Variants in CNR2 observed in about 807,000 individuals in gnomAD.
CNR2 encodes the protein cannabinoid receptor 2.
For missense variants in CNR2, 379 were observed against 439.9 expected (o/e 0.86, Z 1.24); for synonymous variants, 172 against 182.2 (o/e 0.94, Z 0.45).
intron 1 of CNR2, among the ~76,000 whole-genome samples, chr1:23,897,481 A>ATTTTTTTTTTTTTTTTTTTTT (rs35662001): frequency 6.7e-6 from 1 of 149,904 alleles, no homozygotes; most frequent in African/African-American, 2.5e-5. Context: ...TGTTAATAGA[A>ATTTTTTTTTTTTTTTTTTTTT]TTTTTTTTTT....
In CNR2 at chr1:23,875,662, G is replaced by A. The variant is rs1158802768; in HGVS notation, c.-45C>T. ...CCACTGAGCTTGTCTAGAAGGCTTT[G>A]CTGCAGTACAATGAGAAGAAGAAAA... is the stretch of plus-strand genomic sequence containing the variant. On this transcript the variant is annotated splice_region_variant and 5_prime_UTR_variant, in exon 2 of 2. Transcript: ENST00000374472. The A allele has an allele frequency of 1.3e-6, 2 of 1,538,822 alleles. No homozygotes were observed. Among genetic ancestry groups the A allele is most frequent in the South Asian group, 1.2e-5 (1 of 80,620 alleles).
chr1:23,907,611 C>G (rs1188303015), intron 1 of CNR2: 2 of 151,970 alleles, frequency 1.3e-5, no homozygotes, highest in Non-Finnish European at 2.9e-5. Flanking sequence ...CAGCCTCAGA[C>G]TCCCAAGTAG....
intron 1 of CNR2, among the ~76,000 whole-genome samples, chr1:23,898,335 C>CCT (rs1230917304): frequency 1.8e-5 from 2 of 108,200 alleles, no homozygotes; most frequent in South Asian, 2.9e-4. Context: ...CCGCGCCCGG[C>CCT]TTTTTTTTTT....
chr1:23,891,619 C>CAAA (rs771509283), intron 1 of CNR2, among the ~76,000 whole-genome samples: 15 of 31,246 alleles, frequency 4.8e-4, no homozygotes, highest in East Asian at 1.0e-3. Context: ...AACTCCATCT[C>CAAA]AAAAAAAAAA....
intron 1 of CNR2, chr1:23,901,333 T>G (rs1189686430): frequency 1.2e-5 from 9 of 751,554 alleles, no homozygotes; most frequent in Non-Finnish European, 1.9e-5. Context: ...GGTGCCTACT[T>G]CACAGAATCA....
At chr1:23,884,048 T>A (rs988688854) in intron 1 of CNR2, among the ~76,000 whole-genome samples, 2 of 151,272 alleles carry the variant, frequency 1.3e-5, no homozygotes, top group Admixed American at 6.6e-5. Flanking sequence ...AGGAAAAATC[T>A]GTGCCTCTCT....
At chr1:23,887,773 A>G (rs1640115153) in intron 1 of CNR2, among the ~76,000 whole-genome samples, 1 of 152,180 alleles carries the variant, frequency 6.6e-6, no homozygotes, top group South Asian at 2.1e-4. Context: ...AAATTATAGT[A>G]ATAGTTAAAA....
rs139566211 is a variant in CNR2 at position 23,875,072 on chromosome 1, A to G, written c.546T>C (p.Leu182=). Residue 182 remains leucine, a synonymous_variant, in exon 2 of 2, where the codon CTT becomes CTC. Coordinates refer to ENST00000374472, the MANE Select transcript of CNR2 (RefSeq NM_001841.3). ...GGTAGTCATTGGGGATCAGTGGGAA[A>G]AGCTCAGAGCAGGGCCTGGGACAGC... is the stretch of plus-strand genomic sequence containing the variant. ...WTCCPRPCSE[L]FPLIPNDYLL... 11 of 1,601,712 alleles carry G rather than the reference A, an allele frequency of 6.9e-6. No individual in the cohort carries two copies. The African/African-American group carries it at 1.5e-4, about 21-fold the overall frequency.
intron 1 of CNR2, among the ~76,000 whole-genome samples, chr1:23,895,481 G>A (rs906449153): frequency 3.9e-5 from 6 of 152,078 alleles, no homozygotes; most frequent in African/African-American, 1.4e-4. Flanking sequence ...AGCAAGTGGC[G>A]GACAAAGCCA....
intron 1 of CNR2, among the ~76,000 whole-genome samples, chr1:23,883,398 C>T (rs1242324938): frequency 2.6e-5 from 4 of 152,224 alleles, no homozygotes; most frequent in African/African-American, 9.6e-5. Context: ...CAAGAATGTT[C>T]TCTTTGGCAT....
At chr1:23,893,412 G>A (rs1640221758) in intron 1 of CNR2, among the ~76,000 whole-genome samples, 1 of 152,244 alleles carries the variant, frequency 6.6e-6, no homozygotes, top group African/African-American at 2.4e-5. Context: ...CTTGGGGAAA[G>A]TTACTCAAAC....
chr1:23,891,274 T>TG, intron 1 of CNR2, among the ~76,000 whole-genome samples: 1 of 50,530 alleles, frequency 2.0e-5, no homozygotes, highest in Non-Finnish European at 3.9e-5. Context: ...GACCAAATCT[T>TG]TTGTGTGTGT....
At chr1:23,906,904 A>G (rs1449262988) in intron 1 of CNR2, among the ~76,000 whole-genome samples, 3 of 151,656 alleles carry the variant, frequency 2.0e-5, no homozygotes, top group African/African-American at 7.3e-5. Flanking sequence ...AAAAAAAAAA[A>G]AGAAAAAATA....
intron 1 of CNR2, among the ~76,000 whole-genome samples, chr1:23,897,557 C>G (rs955943279): frequency 6.6e-6 from 1 of 151,224 alleles, no homozygotes; most frequent in South Asian, 2.1e-4. Context: ...TCAATGCAAA[C>G]TCTGCCTCCC....
chr1:23,900,769 G>A (rs1570719414), intron 1 of CNR2, among the ~76,000 whole-genome samples: 1 of 152,008 alleles, frequency 6.6e-6, no homozygotes, highest in Admixed American at 6.6e-5. Context: ...GCCTCCCAAA[G>A]TGCTGAGATT....
At chr1:23,879,332 A>G (rs1018080606) in intron 1 of CNR2, among the ~76,000 whole-genome samples, 5 of 152,130 alleles carry the variant, frequency 3.3e-5, no homozygotes, top group African/African-American at 9.7e-5. Context: ...ACCAAAGTGG[A>G]GACTGGGCAC....
At chr1:23,903,937 G>A (rs1335388729) in intron 1 of CNR2, among the ~76,000 whole-genome samples, 1 of 152,180 alleles carries the variant, frequency 6.6e-6, no homozygotes, top group East Asian at 1.9e-4. Flanking sequence ...ACTGTCACAG[G>A]AGCCTGCCTC....
intron 1 of CNR2, among the ~76,000 whole-genome samples, chr1:23,894,207 G>A (rs1640237666): frequency 1.3e-5 from 2 of 151,056 alleles, no homozygotes; most frequent in African/African-American, 4.9e-5. Context: ...GATCGCCAGA[G>A]GTCAGGAGTT....
chr1:23,904,577 A>G (rs1300752125), intron 1 of CNR2, among the ~76,000 whole-genome samples: 1 of 152,176 alleles, frequency 6.6e-6, no homozygotes, highest in Non-Finnish European at 1.5e-5. Context: ...AGCATAAATG[A>G]CTGATAAGCA....
Sources: gnomAD v4.1 joint callset for allele counts (sites outside exome capture counted in the v4.1 genomes callset) on GRCh38, gnomAD v4.1.1 for gene constraint, MANE v1.5 for transcripts, NCBI Gene and HGNC (gene_info 2026-07-23, HGNC 2026-07-21) for gene names.